The following PCA3 variants were observed in gnomAD, a reference collection of about 807,000 sequenced individuals.
The protein encoded by PCA3 is Differential Display code 3.
chr9:76,766,445 C>A (rs1277896990), intron 2 of PCA3, among the ~76,000 whole-genome samples: 1 of 152,104 alleles, frequency 6.6e-6, no homozygotes, highest in Non-Finnish European at 1.5e-5. Flanking sequence ...ATGCTTAACT[C>A]TCCCTTATTT....
chr9:76,765,536 G>T (rs1589094573), intron 2 of PCA3, among the ~76,000 whole-genome samples: 2 of 152,136 alleles, frequency 1.3e-5, no homozygotes, highest in East Asian at 3.9e-4. Context: ...CTAGCAATTA[G>T]CACACTGTCT....
chr9:76,766,510 T>C (rs967854980), intron 2 of PCA3, among the ~76,000 whole-genome samples: 2 of 152,238 alleles, frequency 1.3e-5, no homozygotes, highest in African/African-American at 4.8e-5. Context: ...ATTCCATTTC[T>C]TTCTGCTAAA....
At chr9:76,773,987 T>C (rs1460750474) in intron 2 of PCA3, among the ~76,000 whole-genome samples, 1 of 152,126 alleles carries the variant, frequency 6.6e-6, no homozygotes, top group Non-Finnish European at 1.5e-5. Flanking sequence ...TAGAAGACAG[T>C]AGATCTATTT....
At chr9:76,768,577 ATATGTATGTGTGTGTGTGTG>A (rs1251248793) in intron 2 of PCA3, among the ~76,000 whole-genome samples, 5 of 98,072 alleles carry the variant, frequency 5.1e-5, no homozygotes, top group South Asian at 9.1e-4. Flanking sequence ...ATATATATGT[ATATGTATGTGTGTGTGTGTG>A]TGTGTGTGTG....
intron 2 of PCA3, among the ~76,000 whole-genome samples, chr9:76,770,880 C>T (rs192821745): frequency 2.6e-5 from 4 of 151,832 alleles, no homozygotes; most frequent in Admixed American, 6.6e-5. Context: ...ACTATCAATG[C>T]GAAAGTAAAT....
chr9:76,765,074 T>C (rs527587713), intron 2 of PCA3, among the ~76,000 whole-genome samples: 2 of 152,162 alleles, frequency 1.3e-5, no homozygotes, highest in Non-Finnish European at 2.9e-5. Flanking sequence ...AAGTTAGAGA[T>C]ATACGTTTTG....
intron 2 of PCA3, among the ~76,000 whole-genome samples, chr9:76,771,973 C>G (rs749721068): frequency 7.9e-5 from 12 of 152,286 alleles, no homozygotes; most frequent in East Asian, 1.9e-4. Flanking sequence ...ATGAAGATGC[C>G]AAACACAAAT....
chr9:76,781,140 G>A (rs2054344733), intron 2 of PCA3, among the ~76,000 whole-genome samples: 2 of 152,064 alleles, frequency 1.3e-5, no homozygotes, highest in South Asian at 4.1e-4. Context: ...TCAAACCATG[G>A]TCACCTCTCC....
intron 2 of PCA3, among the ~76,000 whole-genome samples, chr9:76,773,897 A>T (rs2053406182): frequency 6.6e-6 from 1 of 152,214 alleles, no homozygotes; most frequent in Non-Finnish European, 1.5e-5. Context: ...GTGGAAAGTA[A>T]TTGATGGAAT....
chr9:76,781,889 G>A (rs2054444801), intron 2 of PCA3, among the ~76,000 whole-genome samples: 1 of 152,196 alleles, frequency 6.6e-6, no homozygotes. Context: ...TCAGAATACA[G>A]GTAGGCAAGG....
intron 2 of PCA3, chr9:76,784,201 T>C (rs749047237): frequency 2.0e-5 from 3 of 152,146 alleles, no homozygotes; most frequent in African/African-American, 4.8e-5. Context: ...GGAAGGACAT[T>C]AGAAAATGAA....
chr9:76,783,265 T>G (rs1419751218), intron 2 of PCA3, among the ~76,000 whole-genome samples: 2 of 152,136 alleles, frequency 1.3e-5, no homozygotes, highest in East Asian at 3.9e-4. Flanking sequence ...GCCTCCCAAG[T>G]AGCTGGGATT....
intron 2 of PCA3, chr9:76,786,617 G>A (rs2055012695): frequency 6.6e-6 from 1 of 152,062 alleles, no homozygotes; most frequent in African/African-American, 2.4e-5. Context: ...CTGTTGCTTT[G>A]GACTTCCCCA....
intron 2 of PCA3, among the ~76,000 whole-genome samples, chr9:76,777,746 T>G (rs944408331): frequency 3.3e-5 from 5 of 152,112 alleles, no homozygotes; most frequent in African/African-American, 1.2e-4. Context: ...ATAAGGTGGA[T>G]AGAGAATATC....
chr9:76,773,412 G>A (rs1589141838), intron 2 of PCA3, among the ~76,000 whole-genome samples: 2 of 148,812 alleles, frequency 1.3e-5, no homozygotes, highest in Non-Finnish European at 3.0e-5. Context: ...TCATCCCGCA[G>A]TCACATCACA....
At chr9:76,778,819 A>G (rs1239141564) in intron 2 of PCA3, 1 of 152,240 alleles carries the variant, frequency 6.6e-6, no homozygotes, top group Non-Finnish European at 1.5e-5. Context: ...CAAATTTAAT[A>G]TATGTCAGAT....
chr9:76,764,998 G>A (rs950210048), intron 2 of PCA3, among the ~76,000 whole-genome samples: 2 of 152,152 alleles, frequency 1.3e-5, no homozygotes, highest in Non-Finnish European at 2.9e-5. Flanking sequence ...AAAGTCAAAG[G>A]TTCTGTTTAG....
intron 2 of PCA3, among the ~76,000 whole-genome samples, chr9:76,783,001 G>A (rs1235807661): frequency 2.6e-5 from 4 of 152,138 alleles, no homozygotes; most frequent in Non-Finnish European, 2.9e-5. Context: ...CCCATGTTAC[G>A]TGTCATTTTC....
At chr9:76,779,405 T>C (rs182172463) in intron 2 of PCA3, among the ~76,000 whole-genome samples, 58 of 152,298 alleles carry the variant, frequency 3.8e-4, no homozygotes, top group African/African-American at 1.4e-3. Flanking sequence ...TTTTGAAACA[T>C]ATCAAAGCTC....
Sources: allele counts gnomAD v4.1 joint callset (sites outside exome capture counted in the v4.1 genomes callset), GRCh38; gene constraint gnomAD v4.1.1; transcripts MANE v1.5; gene names NCBI Gene and HGNC (gene_info 2026-07-23, HGNC 2026-07-21).